The following CCK variants were observed in gnomAD, a reference collection of about 807,000 sequenced individuals.
CCK encodes the protein cholecystokinin.
A neutral mutation model predicts 10.1 loss-of-function variants in CCK; 11 were observed. That is an observed-to-expected ratio of 1.09 (90% CI 0.69 to 1.81). The LOEUF (loss-of-function observed/expected upper bound fraction) is 1.81, where lower values mean the gene tolerates loss of function less well. CCK is among the 40% of genes most tolerant of loss of function. The pLI is 0.00. For missense variants in CCK, 137 were observed against 159.9 expected, an observed-to-expected ratio of 0.86 and a Z score of 0.77; for synonymous variants, 83 against 71.9, an observed-to-expected ratio of 1.15 and a Z score of -0.78.
rs1173375646 is a variant in CCK at position 42,258,181 on chromosome 3, TG to T, written c.264del (p.Ser89AlafsTer4). ...TAGTCCCGGTCACTTATCCTGTGGC[TG>T]GGGTCCAGGTTCTGCAGGTTCTTAA... Reference protein sequence around the residue: ...SIVKNLQNLDPSHRISDRDYM... With the variant: ...SIVKNLQNLDXSHRISDRDYM... On this transcript the variant is annotated frameshift_variant, in exon 5 of 5. Coordinates refer to ENST00000396169, the MANE Select transcript of CCK (RefSeq NM_000729.6). LOFTEE classifies it high-confidence loss of function. The T allele has an allele frequency of 6.2e-7, 1 of 1,613,968 alleles. No individual in the cohort carries two copies. The highest frequency in any genetic ancestry group is 1.3e-5 in the African/African-American group (1 of 74,912).
intron 4 of CCK, among the ~76,000 whole-genome samples, chr3:42,262,653 G>A (rs1711233132): frequency 6.6e-6 from 1 of 152,188 alleles, no homozygotes; most frequent in Admixed American, 6.5e-5. Flanking sequence ...TGATTCCTAT[G>A]GGTCACAAGA....
chr3:42,258,758 GT>G (rs1711172978), intron 4 of CCK, among the ~76,000 whole-genome samples: 1 of 152,176 alleles, frequency 6.6e-6, no homozygotes, highest in Non-Finnish European at 1.5e-5. Context: ...GTTGGTGGGA[GT>G]GTAAATTAGT....
chr3:42,264,343 A>G (rs1165994954), intron 3 of CCK, among the ~76,000 whole-genome samples: 1 of 152,250 alleles, frequency 6.6e-6, no homozygotes, highest in Non-Finnish European at 1.5e-5. Context: ...TGCAGTATTT[A>G]GAAAATGAAT....
At chr3:42,258,321 G>T in intron 4 of CCK, 90 bp from the exon 5 acceptor site, 1 of 1,435,510 alleles carries the variant, frequency 7.0e-7, no homozygotes, top group South Asian at 1.3e-5. Flanking sequence ...GAAAAAGCCA[G>T]ACGCAATATA....
intron 4 of CCK, among the ~76,000 whole-genome samples, chr3:42,259,143 G>T (rs1278349814): frequency 6.6e-6 from 1 of 151,166 alleles, no homozygotes; most frequent in African/African-American, 2.4e-5. Flanking sequence ...ATAAGTGGAA[G>T]TTGAACAATG....
In CCK at chr3:42,258,214, A is replaced by G. The variant is rs748303256; in HGVS notation, c.232T>C (p.Ser78Pro). Residue 78 changes from serine (S) to proline (P), a missense_variant, in exon 5 of 5, where the codon TCC becomes CCC. Coordinates refer to ENST00000396169, the MANE Select transcript of CCK (RefSeq NM_000729.6). The stretch of plus-strand genomic sequence containing the variant: ...AGGTTCTGCAGGTTCTTAACGATGG[A>G]CATTCGTCCAGAAGGAGCTACAAGG... ...QARKAPSGRM[S>P]IVKNLQNLDP... The G allele has an allele frequency of 1.9e-6, 3 of 1,614,054 alleles. No individual in the cohort carries two copies. In the Admixed American group the frequency reaches 5.0e-5, roughly 27 times the overall value.
intron 4 of CCK, among the ~76,000 whole-genome samples, chr3:42,259,271 A>G (rs1711181544): frequency 6.6e-6 from 1 of 152,196 alleles, no homozygotes; most frequent in Non-Finnish European, 1.5e-5. Context: ...TGATGGGTGC[A>G]GCAAACCACC....
chr3:42,260,773 T>C (rs1015287090), intron 4 of CCK, among the ~76,000 whole-genome samples: 1 of 152,218 alleles, frequency 6.6e-6, no homozygotes, highest in Non-Finnish European at 1.5e-5. Flanking sequence ...AGAAAGACTT[T>C]GGTGCTGAGA....
chr3:42,263,242 T>C (rs1711240047), intron 4 of CCK, 175 bp downstream of exon 4: 2 of 942,884 alleles, frequency 2.1e-6, no homozygotes, highest in African/African-American at 3.3e-5. Flanking sequence ...CCCTTACTTA[T>C]AAATTAAGTC....
chr3:42,258,705 C>T (rs781656261), intron 4 of CCK, among the ~76,000 whole-genome samples: 1 of 151,982 alleles, frequency 6.6e-6, no homozygotes, highest in Non-Finnish European at 1.5e-5. Context: ...ATTAAGGTGG[C>T]ACAATTATAA....
At position 42,263,530 on chromosome 3, in the gene CCK, T is replaced by C; in HGVS notation, c.101A>G (p.Gln34Arg). 1 of 1,613,300 alleles carries C rather than the reference T, an allele frequency of 6.2e-7. No individual in the cohort carries two copies. The highest frequency in any genetic ancestry group is 8.5e-7 in the Non-Finnish European group (1 of 1,179,650). Residue 34 changes from glutamine (Q) to arginine (R), a missense_variant, in exon 4 of 5, where the codon CAG becomes CGG. Transcript: ENST00000396169. ...PPADPAGSGL[Q>R]RAEEAPRRQL... ...CCTACGGGGCGCCTCCTCTGCCCGC[T>C]GCAGCCCGGAGCCCGCGGGATCTGC... is the stretch of plus-strand genomic sequence containing the variant.
intron 4 of CCK, among the ~76,000 whole-genome samples, chr3:42,261,734 G>T (rs1472690876): frequency 6.6e-6 from 1 of 151,946 alleles, no homozygotes; most frequent in Admixed American, 6.6e-5. Context: ...TCCTAAATTG[G>T]AGGAGGGGAG....
In CCK at chr3:42,258,057, TG is replaced by T; in HGVS notation, c.*40del. 1 of 1,587,310 alleles carries T rather than the reference TG, an allele frequency of 6.3e-7. No individual in the cohort carries two copies. On this transcript the variant is annotated 3_prime_UTR_variant, in exon 5 of 5. Transcript: ENST00000396169. The stretch of plus-strand genomic sequence containing the variant: ...TTTTCTTATTCTGCCTCCTCTGGGT[TG>T]GGAGGTTGCTTCCCGTTGGGCTGAT...
chr3:42,260,778 C>T (rs1711199850), intron 4 of CCK, among the ~76,000 whole-genome samples: 1 of 152,188 alleles, frequency 6.6e-6, no homozygotes, highest in South Asian at 2.1e-4. Flanking sequence ...GACTTTGGTG[C>T]TGAGAAAACA....
chr3:42,261,608 C>T (rs202051566), intron 4 of CCK, among the ~76,000 whole-genome samples: 1 of 145,620 alleles, frequency 6.9e-6, no homozygotes. Flanking sequence ...TGGTAATGAG[C>T]TTTTTTTTTT....
chr3:42,263,014 C>T, intron 4 of CCK: 1 of 309,920 alleles, frequency 3.2e-6, no homozygotes, highest in South Asian at 3.2e-5. Context: ...AGATCTCAGG[C>T]ATTCTCAGCA....
Position 42,264,067 on chromosome 3 carries a change from G to C in CCK, c.-2-435C>G, listed in dbSNP as rs565802813. 9.6e-4 allele frequency: 156 copies of C among 161,780 alleles called. 1 individual carries two copies. The highest frequency in any genetic ancestry group is 9.1e-4 in the Non-Finnish European group (68 of 74,742). The allele number at this position is 161,780 out of a possible 1,614,324, so 10.0% of individuals were successfully genotyped here. On this transcript the variant is annotated intron_variant, in intron 3 of 4. Coordinates refer to ENST00000396169, the MANE Select transcript of CCK (RefSeq NM_000729.6). ...CCTGGGGAAAGCACTTTTCCAGATA[G>C]CTAACAAGCTTTCAATATGGAAATA...
At chr3:42,259,400 A>G (rs528712968) in intron 4 of CCK, among the ~76,000 whole-genome samples, 1 of 152,344 alleles carries the variant, frequency 6.6e-6, no homozygotes, top group East Asian at 1.9e-4. Context: ...TCTTTTAAAA[A>G]TATGAATTTG....
In CCK at chr3:42,258,073, G is replaced by A. The variant is rs180923843; in HGVS notation, c.*25C>T. The A allele has an allele frequency of 6.1e-5, 97 of 1,601,478 alleles. No homozygotes were observed. The Admixed American group carries it at 6.6e-4, about 11-fold the overall frequency. Reference sequence around the variant, plus strand: ...CCTCTGGGTTGGGAGGTTGCTTCCCGTTGGGCTGATGGCGGCTGGGTCCTC... The same window carrying A: ...CCTCTGGGTTGGGAGGTTGCTTCCCATTGGGCTGATGGCGGCTGGGTCCTC... On this transcript the variant is annotated 3_prime_UTR_variant, in exon 5 of 5. Coordinates refer to ENST00000396169, the MANE Select transcript of CCK (RefSeq NM_000729.6).
Sources: gnomAD v4.1 joint callset for allele counts (sites outside exome capture counted in the v4.1 genomes callset) on GRCh38, gnomAD v4.1.1 for gene constraint, MANE v1.5 for transcripts, NCBI Gene and HGNC (gene_info 2026-07-23, HGNC 2026-07-21) for gene names.